Variants in CLDN2 observed in about 807,000 individuals in gnomAD.
CLDN2 encodes the protein claudin-2.
A neutral mutation model predicts 8.2 loss-of-function variants in CLDN2; 1 was observed. The observed-to-expected ratio is 0.12, with a 90% CI of 0.04 to 0.58. The LOEUF is 0.58. Ranked by LOEUF, CLDN2 falls within the 20% of genes least tolerant of loss-of-function variation. The pLI is 0.90. For missense variants in CLDN2, 108 were observed against 172.9 expected (o/e 0.62, Z 2.11); for synonymous variants, 70 against 70.2 (o/e 1.00, Z 0.01).
At chrX:106,917,053 T>C (rs1012074690), upstream of CLDN2, among the ~76,000 whole-genome samples, 3 of 112,059 alleles carry the variant, frequency 2.7e-5, no homozygotes, top group Admixed American at 1.9e-4. Flanking sequence ...CCTGGACATG[T>C]TGCATTTGAG....
upstream of CLDN2, among the ~76,000 whole-genome samples, chrX:106,917,443 T>C (rs902609208): frequency 8.9e-6 from 1 of 111,920 alleles, no homozygotes; most frequent in Non-Finnish European, 1.9e-5. Flanking sequence ...AAAGTGGCCA[T>C]TGGATTTGGT....
upstream of CLDN2, among the ~76,000 whole-genome samples, chrX:106,915,766 C>T (rs1933303131): frequency 1.8e-5 from 2 of 110,710 alleles, no homozygotes; most frequent in African/African-American, 3.3e-5. Context: ...AGCCCTTCTC[C>T]TGCCTCCCCT....
intron 1 of CLDN2, among the ~76,000 whole-genome samples, chrX:106,923,156 G>A (rs1019048715): frequency 8.1e-5 from 9 of 110,943 alleles, no homozygotes; most frequent in Non-Finnish European, 1.1e-4. Context: ...TGTATTTTTC[G>A]TAGAGACGGG....
rs202232558 is a variant in CLDN2, at chrX:106,928,040, AT to A, written c.-178-3del. The stretch of plus-strand genomic sequence containing the variant: ...GGTCAATATTTAATCTGGTTTATGG[AT>A]TTTTTTTAGGTCTTCTAGATGCCTT... On this transcript the variant is annotated splice_polypyrimidine_tract_variant and intron_variant, in intron 1 of 1. Transcript: ENST00000336803. 3.5e-5 allele frequency: 13 copies of A among 374,738 alleles called. No homozygotes were observed. The highest frequency in any genetic ancestry group is 5.1e-5 in the Non-Finnish European group (11 of 217,526). 30.9% of individuals were successfully genotyped at this position (374,738 alleles called of 1,213,427 possible).
At chrX:106,924,271 A>G (rs1933434995) in intron 1 of CLDN2, among the ~76,000 whole-genome samples, 1 of 110,947 alleles carries the variant, frequency 9.0e-6, no homozygotes, top group African/African-American at 3.3e-5. Context: ...TAGGAGTAAT[A>G]GCTGCACAGG....
chrX:106,927,119 C>CTT (rs1266269886), intron 1 of CLDN2, among the ~76,000 whole-genome samples: 1 of 111,475 alleles, frequency 9.0e-6, no homozygotes, highest in African/African-American at 3.3e-5. Flanking sequence ...ATCAGAGGGT[C>CTT]TTGTAGAGAA....
At position 106,928,208 on chromosome X, in the gene CLDN2, G is replaced by A. The variant is rs758062602; in HGVS notation, c.-21G>A. On this transcript the variant is annotated 5_prime_UTR_variant, in exon 2 of 2. Transcript: ENST00000336803. ...AGACAAGGGAGCAGTCCCTGAAGACGCTTCTACTGAGAGGTCTGCCATGGC... is the reference window on the plus strand; with the variant it reads ...AGACAAGGGAGCAGTCCCTGAAGACACTTCTACTGAGAGGTCTGCCATGGC... 1.9e-5 allele frequency: 22 copies of A among 1,163,135 alleles called. No individual in the cohort carries two copies. Among genetic ancestry groups the A allele is most frequent in the East Asian group, 1.5e-4 (5 of 33,487 alleles).
At chrX:106,913,901 A>G (rs756500804), upstream of CLDN2, among the ~76,000 whole-genome samples, 1 of 108,310 alleles carries the variant, frequency 9.2e-6, no homozygotes, top group South Asian at 4.2e-4. Context: ...GGCATAGTCA[A>G]GTTTGCATCT....
rs767501154 is a variant in CLDN2 at position 106,903,503 on chromosome X, A to T, written c.-179+2999A>T. On this transcript the variant is annotated intron_variant, in intron 1 of 1. Coordinates refer to the CLDN2 transcript ENST00000541806. ...TGGGTGTGAAATCTCTCCCAGTTGA[A>T]TAAACATGGTGTCAGTGGGAGGTGA... Among the ~76,000 whole-genome samples the T allele has an allele frequency of 5.6e-4, 63 of 111,990 alleles. 1 individual carries two copies. The highest frequency in any genetic ancestry group is 2.0e-3 in the African/African-American group (61 of 30,829).
At chrX:106,900,881 G>A (rs776291555) in intron 1 of CLDN2, 221 of 1,209,115 alleles carry the variant, frequency 1.8e-4, no homozygotes, top group Admixed American at 2.8e-4. Context: ...ACAGATAGTC[G>A]AAGGAGCGGG....
Position 106,928,940 on chromosome X carries a change from T to TG in CLDN2, c.*25dup. 1 of 1,183,985 alleles carries TG rather than the reference T, an allele frequency of 8.4e-7. No individual in the cohort carries two copies. The highest frequency in any genetic ancestry group is 1.8e-5 in the South Asian group (1 of 54,614). On this transcript the variant is annotated 3_prime_UTR_variant, in exon 2 of 2. Coordinates refer to ENST00000336803, the MANE Select transcript of CLDN2 (RefSeq NM_020384.4). The stretch of plus-strand genomic sequence containing the variant: ...TGTGTGAAGAACCAGGGGCCAGAGC[T>TG]GGGGGGTGGCTGGGTCTGTGAAAAA...
intron 1 of CLDN2, among the ~76,000 whole-genome samples, chrX:106,902,972 G>T (rs1209224040): frequency 8.9e-6 from 1 of 112,557 alleles, no homozygotes; most frequent in African/African-American, 3.2e-5. Flanking sequence ...GAGGTGAAAA[G>T]TCAGATGAGA....
Position 106,929,332 on chromosome X carries a change from CTT to C in CLDN2, c.*412_*413del, listed in dbSNP as rs1933513676. The C allele has an allele frequency of 1.8e-5, 3 of 166,353 alleles. No homozygotes were observed. Among genetic ancestry groups the C allele is most frequent in the South Asian group, 4.7e-4 (2 of 4,253 alleles). 13.7% of individuals were successfully genotyped at this position (166,353 alleles called of 1,213,427 possible). On this transcript the variant is annotated 3_prime_UTR_variant, in exon 2 of 2. Transcript: ENST00000336803. ...ACCCTCTCTCTGGCTGAGGTTGGCT[CTT>C]AGCTCATTGCTGGGGATGGGAAGGA...
intron 1 of CLDN2, chrX:106,903,051 G>T (rs1933128291): frequency 6.6e-6 from 7 of 1,057,862 alleles, no homozygotes; most frequent in South Asian, 2.0e-5. Flanking sequence ...AGAACAGGGT[G>T]CCCTGGACAT....
chrX:106,901,402 A>G lies in CLDN2; in HGVS notation c.-179+898A>G, dbSNP rs1441108165. The G allele has an allele frequency of 7.8e-6, 8 of 1,021,301 alleles. No homozygotes were observed. The Admixed American group carries it at 1.8e-4, about 23-fold the overall frequency. 84.2% of individuals were successfully genotyped at this position (1,021,301 alleles called of 1,213,427 possible). ...AGCAATTCCTCCCCTCTCCTGCTTCACAAGACCTTTGTGAAGATTCAAAGA... is the reference window on the plus strand; with the variant it reads ...AGCAATTCCTCCCCTCTCCTGCTTCGCAAGACCTTTGTGAAGATTCAAAGA... On this transcript the variant is annotated intron_variant, in intron 1 of 1. Transcript: ENST00000541806.
At chrX:106,927,119 C>G (rs1933480175) in intron 1 of CLDN2, among the ~76,000 whole-genome samples, 1 of 111,475 alleles carries the variant, frequency 9.0e-6, no homozygotes, top group African/African-American at 3.3e-5. Context: ...ATCAGAGGGT[C>G]TTGTAGAGAA....
Position 106,928,674 on chromosome X carries a change from C to T in CLDN2, c.446C>T (p.Ser149Leu), listed in dbSNP as rs1490646672. ...CATGGGATCCTACGGGACTTCTACT[C>T]ACCACTGGTGCCTGACAGCATGAAA... ...NLHGILRDFY[S>L]PLVPDSMKFE... The change falls in exon 2 of 2, where the codon TCA becomes TTA. Residue 149 changes from serine to leucine, a missense_variant. Transcript: ENST00000336803. 8.3e-6 allele frequency: 10 copies of T among 1,209,729 alleles called. No homozygotes were observed. Among genetic ancestry groups the T allele is most frequent in the Non-Finnish European group, 1.1e-5 (10 of 894,912 alleles).
intron 1 of CLDN2, among the ~76,000 whole-genome samples, chrX:106,903,625 G>C (rs141115055): frequency 0.018 from 2,003 of 112,209 alleles, 55 homozygotes; most frequent in African/African-American, 0.061. Flanking sequence ...AGGCCTGAGA[G>C]GGGAAGGAGA....
chrX:106,924,660 C>T (rs986214481), intron 1 of CLDN2, among the ~76,000 whole-genome samples: 1 of 109,386 alleles, frequency 9.1e-6, no homozygotes, highest in African/African-American at 3.3e-5. Context: ...TATATTTTTT[C>T]ACCCTTAAAT....
Sources: gnomAD v4.1 joint callset for allele counts (sites outside exome capture counted in the v4.1 genomes callset) on GRCh38, gnomAD v4.1.1 for gene constraint, MANE v1.5 for transcripts, NCBI Gene and HGNC (gene_info 2026-07-23, HGNC 2026-07-21) for gene names.